Variants in TEK observed in about 807,000 individuals in gnomAD.
The protein encoded by TEK is angiopoietin-1 receptor.
Under a neutral mutation model 131.8 loss-of-function variants are expected in TEK, and 43 were observed. The ratio of observed to expected loss-of-function variants is 0.33; its 90% CI spans 0.26 to 0.42. The LOEUF (loss-of-function observed/expected upper bound fraction) is 0.42, where lower values mean the gene tolerates loss of function less well. Among genes scored for constraint, TEK ranks in the 10% least tolerant of loss-of-function variants. The pLI, the probability that TEK is intolerant of heterozygous loss-of-function variation, is 1.00. For synonymous variants in TEK, 580 were observed against 491.6 expected, an observed-to-expected ratio of 1.18 and a Z score of -2.38; for missense variants, 1,162 against 1,384.4, an observed-to-expected ratio of 0.84 and a Z score of 2.55.
At chr9:27,178,039 C>T (rs529524568) in intron 6 of TEK, among the ~76,000 whole-genome samples, 30 of 152,104 alleles carry the variant, frequency 2.0e-4, no homozygotes, top group Admixed American at 5.2e-4. Flanking sequence ...AATCATTGCC[C>T]GGATCAGTAT....
intron 6 of TEK, among the ~76,000 whole-genome samples, chr9:27,179,381 A>G (rs1824281245): frequency 6.6e-6 from 1 of 152,212 alleles, no homozygotes; most frequent in African/African-American, 2.4e-5. Context: ...CTTACTGAGC[A>G]TAGTTATTAT....
At chr9:27,174,852 C>T (rs901908237) in intron 6 of TEK, among the ~76,000 whole-genome samples, 41 of 152,176 alleles carry the variant, frequency 2.7e-4, no homozygotes, top group African/African-American at 7.5e-4. Context: ...TAAAATGTTA[C>T]GCAAACTATG....
intron 2 of TEK, among the ~76,000 whole-genome samples, chr9:27,166,656 T>C (rs1823741840): frequency 6.6e-6 from 1 of 152,238 alleles, no homozygotes; most frequent in African/African-American, 2.4e-5. Context: ...TAGCTTTATT[T>C]AGTATTAGTT....
At chr9:27,171,275 C>T (rs2131146018) in intron 4 of TEK, among the ~76,000 whole-genome samples, 1 of 152,256 alleles carries the variant, frequency 6.6e-6, no homozygotes, top group South Asian at 2.1e-4. Context: ...TTGAAGTCTT[C>T]AGGTCTAAAT....
At chr9:27,197,987 T>G (rs1207204688) in intron 12 of TEK, among the ~76,000 whole-genome samples, 7 of 152,202 alleles carry the variant, frequency 4.6e-5, no homozygotes, top group South Asian at 4.1e-4. Flanking sequence ...CAAATAACTT[T>G]GCTTGAAACC....
At chr9:27,223,945 C>G (rs1826194263) in intron 21 of TEK, among the ~76,000 whole-genome samples, 1 of 152,188 alleles carries the variant, frequency 6.6e-6, no homozygotes, top group Non-Finnish European at 1.5e-5. Context: ...ACTGATCCCA[C>G]AGAAATACAA....
intron 1 of TEK, among the ~76,000 whole-genome samples, chr9:27,140,479 A>G (rs1312655974): frequency 6.6e-6 from 1 of 151,800 alleles, no homozygotes; most frequent in African/African-American, 2.4e-5. Flanking sequence ...TAAATGATAT[A>G]TGTCCACATT....
chr9:27,152,596 C>CG (rs1409572279), intron 1 of TEK, among the ~76,000 whole-genome samples: 2 of 136,640 alleles, frequency 1.5e-5, no homozygotes, highest in Non-Finnish European at 3.1e-5. Context: ...TGAAGCCCCC[C>CG]CGCCGCAAAA....
At chr9:27,145,653 T>C (rs1354213768) in intron 1 of TEK, among the ~76,000 whole-genome samples, 1 of 152,220 alleles carries the variant, frequency 6.6e-6, no homozygotes, top group African/African-American at 2.4e-5. Flanking sequence ...AGGCAATTAG[T>C]AATTCACAAA....
At chr9:27,204,236 G>A (rs1036537551) in intron 13 of TEK, among the ~76,000 whole-genome samples, 2 of 152,188 alleles carry the variant, frequency 1.3e-5, no homozygotes, top group African/African-American at 4.8e-5. Context: ...TTAAGAGGAC[G>A]AGATCATGTT....
At chr9:27,126,734 C>G (rs891496324) in intron 1 of TEK, among the ~76,000 whole-genome samples, 2 of 152,104 alleles carry the variant, frequency 1.3e-5, no homozygotes, top group Non-Finnish European at 2.9e-5. Context: ...ACAGAGGAGA[C>G]AGTAGTGATG....
At chr9:27,137,656 G>A (rs16911083) in intron 1 of TEK, among the ~76,000 whole-genome samples, 4 of 151,626 alleles carry the variant, frequency 2.6e-5, no homozygotes, top group East Asian at 1.9e-4. Context: ...CATAGTTCCC[G>A]TATGATTAAA....
chr9:27,229,056 T>G, intron 22 of TEK, 102 bp from the exon 23 acceptor site: 1 of 952,026 alleles, frequency 1.1e-6, no homozygotes, highest in East Asian at 2.4e-5. Flanking sequence ...GCTTAGTATA[T>G]GAGTTGCAAC....
At chr9:27,126,262 C>T (rs993501858) in intron 1 of TEK, among the ~76,000 whole-genome samples, 1 of 152,188 alleles carries the variant, frequency 6.6e-6, no homozygotes, top group African/African-American at 2.4e-5. Flanking sequence ...TCTCCTAAGG[C>T]ATATCACAGC....
At chr9:27,134,884 C>T (rs899696694) in intron 1 of TEK, among the ~76,000 whole-genome samples, 1 of 152,170 alleles carries the variant, frequency 6.6e-6, no homozygotes, top group Non-Finnish European at 1.5e-5. Flanking sequence ...GCTGCTGTGG[C>T]TCATTTCTTG....
At chr9:27,207,386 C>T (rs1295373820) in intron 15 of TEK, among the ~76,000 whole-genome samples, 2 of 152,202 alleles carry the variant, frequency 1.3e-5, no homozygotes. Context: ...AATCTGTGTT[C>T]TTAAGTGGCT....
At chr9:27,133,670 G>A (rs753531300) in intron 1 of TEK, among the ~76,000 whole-genome samples, 3 of 152,122 alleles carry the variant, frequency 2.0e-5, no homozygotes, top group Non-Finnish European at 2.9e-5. Context: ...TATGGAGCTC[G>A]AGGGGTTCCA....
chr9:27,223,140 A>C (rs503656), intron 21 of TEK, among the ~76,000 whole-genome samples: 130,050 of 152,116 alleles, frequency 0.85, 55,876 homozygotes, highest in East Asian at 1. Context: ...TTCTTAGAGA[A>C]CTGCAAAGAG....
At chr9:27,225,593 A>C (rs1293904436) in intron 21 of TEK, among the ~76,000 whole-genome samples, 3 of 152,216 alleles carry the variant, frequency 2.0e-5, no homozygotes, top group Non-Finnish European at 4.4e-5. Context: ...TTAACTCGAG[A>C]TGGATTAAAG....
Sources: allele counts gnomAD v4.1 joint callset (sites outside exome capture counted in the v4.1 genomes callset), GRCh38; gene constraint gnomAD v4.1.1; transcripts MANE v1.5; gene names NCBI Gene and HGNC (gene_info 2026-07-23, HGNC 2026-07-21).